The following PDZRN4 variants were observed in gnomAD, a reference collection of about 807,000 sequenced individuals.
PDZRN4 encodes the protein PDZ domain-containing RING finger protein 4.
PDZRN4 carries 70 observed loss-of-function variants against 99.0 expected under a neutral mutation model. The observed-to-expected ratio is 0.71, with a 90% CI of 0.58 to 0.86. PDZRN4 has a LOEUF of 0.86. Ranked by LOEUF, PDZRN4 falls within the 40% of genes least tolerant of loss-of-function variation. The pLI is 0.00. For missense variants in PDZRN4, 1,474 were observed against 1,331.2 expected (o/e 1.11, Z -1.67); for synonymous variants, 551 against 501.6 (o/e 1.10, Z -1.32).
intron 3 of PDZRN4, chr12:41,460,016 G>A: frequency 3.1e-6 from 4 of 1,288,448 alleles, no homozygotes; most frequent in Non-Finnish European, 4.0e-6. Flanking sequence ...CCAACCTGAT[G>A]GAGAGTATGT....
chr12:41,415,131 C>A (rs796598402), intron 3 of PDZRN4, among the ~76,000 whole-genome samples: 83 of 152,048 alleles, frequency 5.5e-4, no homozygotes, highest in African/African-American at 2.0e-3. Context: ...AAATATACCT[C>A]CATTGAGATG....
intron 3 of PDZRN4, among the ~76,000 whole-genome samples, chr12:41,399,855 G>C (rs887390713): frequency 5.9e-5 from 9 of 151,886 alleles, no homozygotes; most frequent in Non-Finnish European, 1.3e-4. Context: ...TCGTTTTTAG[G>C]GTAGAATCCA....
intron 2 of PDZRN4, among the ~76,000 whole-genome samples, chr12:41,193,074 A>G (rs527966604): frequency 6.6e-5 from 10 of 152,332 alleles, no homozygotes; most frequent in Non-Finnish European, 1.0e-4. Context: ...TGGCAGTGAC[A>G]TATTTCTTCC....
intron 3 of PDZRN4, among the ~76,000 whole-genome samples, chr12:41,344,309 T>C (rs1182338475): frequency 6.6e-6 from 1 of 152,138 alleles, no homozygotes. Context: ...TCTTAGGAAA[T>C]AACTCTTGCC....
chr12:41,202,588 CTTCT>C (rs1950824583), intron 3 of PDZRN4, among the ~76,000 whole-genome samples: 1 of 152,008 alleles, frequency 6.6e-6, no homozygotes, highest in South Asian at 2.1e-4. Context: ...CAGCTTTGCT[CTTCT>C]TTCTTAAGCA....
At chr12:41,312,076 G>T (rs953668255) in intron 3 of PDZRN4, among the ~76,000 whole-genome samples, 1 of 152,050 alleles carries the variant, frequency 6.6e-6, no homozygotes, top group Non-Finnish European at 1.5e-5. Flanking sequence ...CAGTGTTAGG[G>T]TTCTTTTTCT....
At chr12:41,338,376 A>G (rs2121009076) in intron 3 of PDZRN4, among the ~76,000 whole-genome samples, 1 of 152,198 alleles carries the variant, frequency 6.6e-6, no homozygotes, top group African/African-American at 2.4e-5. Flanking sequence ...AGCATTATGG[A>G]TTTTTAACAG....
chr12:41,562,771 C>T (rs1455717500), intron 7 of PDZRN4, among the ~76,000 whole-genome samples: 2 of 152,018 alleles, frequency 1.3e-5, no homozygotes, highest in Non-Finnish European at 2.9e-5. Context: ...TTTCTAATGT[C>T]ACTGGAATCT....
intron 6 of PDZRN4, 99 bp downstream of exon 6, chr12:41,552,853 G>A (rs1592109107): frequency 2.3e-6 from 2 of 881,374 alleles, no homozygotes; most frequent in Non-Finnish European, 1.8e-6. Context: ...AGGCTTGAAT[G>A]TGAAGAATTG....
intron 3 of PDZRN4, among the ~76,000 whole-genome samples, chr12:41,474,541 A>G (rs1444007994): frequency 3.9e-5 from 6 of 152,236 alleles, no homozygotes; most frequent in Non-Finnish European, 7.3e-5. Flanking sequence ...TGAAACTCAA[A>G]CACAGGAGGC....
chr12:41,269,201 C>G (rs1951298162), intron 3 of PDZRN4, among the ~76,000 whole-genome samples: 1 of 152,112 alleles, frequency 6.6e-6, no homozygotes, highest in South Asian at 2.1e-4. Context: ...TGGAAAGCAC[C>G]TATAAAAATG....
chr12:41,276,973 A>G (rs963220208), intron 3 of PDZRN4, among the ~76,000 whole-genome samples: 1 of 152,208 alleles, frequency 6.6e-6, no homozygotes, highest in Non-Finnish European at 1.5e-5. Context: ...GATGGTAACA[A>G]GAGGGGAATC....
At chr12:41,265,157 A>G (rs190164115) in intron 3 of PDZRN4, among the ~76,000 whole-genome samples, 3 of 152,322 alleles carry the variant, frequency 2.0e-5, no homozygotes, top group East Asian at 3.9e-4. Flanking sequence ...AAAAGTGAAT[A>G]ACAAACTTGC....
chr12:41,469,708 G>A (rs1014077668), intron 3 of PDZRN4, among the ~76,000 whole-genome samples: 4 of 152,074 alleles, frequency 2.6e-5, no homozygotes, highest in African/African-American at 9.7e-5. Context: ...GAGGGGGGCC[G>A]ATCACGAGGT....
At chr12:41,514,721 T>C (rs1275826890) in intron 5 of PDZRN4, among the ~76,000 whole-genome samples, 1 of 152,088 alleles carries the variant, frequency 6.6e-6, no homozygotes, top group African/African-American at 2.4e-5. Flanking sequence ...CTCTTTTCCA[T>C]ACAAAGGGAA....
chr12:41,371,964 C>A (rs1047753279), intron 3 of PDZRN4, among the ~76,000 whole-genome samples: 6 of 152,086 alleles, frequency 3.9e-5, no homozygotes, highest in Non-Finnish European at 1.5e-5. Context: ...TTATTCCCTG[C>A]AAGTCTATAC....
At chr12:41,516,034 T>A (rs1938395097) in intron 5 of PDZRN4, among the ~76,000 whole-genome samples, 1 of 152,042 alleles carries the variant, frequency 6.6e-6, no homozygotes, top group Non-Finnish European at 1.5e-5. Flanking sequence ...CCTTTGCTCA[T>A]GGGCTGCTGT....
At chr12:41,526,531 G>A (rs1038431981) in intron 5 of PDZRN4, among the ~76,000 whole-genome samples, 3 of 152,156 alleles carry the variant, frequency 2.0e-5, no homozygotes, top group African/African-American at 7.2e-5. Context: ...TTGGAATGTG[G>A]AGCATAAGGA....
At chr12:41,293,836 G>A (rs1383493785) in intron 3 of PDZRN4, among the ~76,000 whole-genome samples, 2 of 152,156 alleles carry the variant, frequency 1.3e-5, no homozygotes, top group African/African-American at 2.4e-5. Context: ...TAGATGTCAT[G>A]GAGAATGATA....
Sources: gnomAD v4.1 joint callset for allele counts (sites outside exome capture counted in the v4.1 genomes callset) on GRCh38, gnomAD v4.1.1 for gene constraint, MANE v1.5 for transcripts, NCBI Gene and HGNC (gene_info 2026-07-23, HGNC 2026-07-21) for gene names.